Variants in VWA7 observed in about 807,000 individuals in gnomAD.
VWA7 encodes von Willebrand factor A domain-containing protein 7.
A neutral mutation model predicts 83.1 loss-of-function variants in VWA7; 66 were observed. That is an observed-to-expected ratio of 0.79 (90% CI 0.65 to 0.98). The LOEUF (loss-of-function observed/expected upper bound fraction) is 0.98. Ranked by LOEUF, VWA7 falls within the 50% of genes least tolerant of loss-of-function variation. The pLI is 0.00. For synonymous variants in VWA7, 424 were observed against 488.5 expected (o/e 0.87, Z 1.74); for missense variants, 1,080 against 1,160.2 (o/e 0.93, Z 1.00).
rs1332089547 is a variant in VWA7 at position 31,775,597 on chromosome 6, T to C, written c.514-168A>G. Among the ~76,000 whole-genome samples, 3 of 146,840 alleles carry C rather than the reference T, an allele frequency of 2.0e-5. No homozygotes were observed. The highest frequency in any genetic ancestry group is 4.5e-5 in the Non-Finnish European group (3 of 67,046). ...CCCTCCACTGCCCTCTCTCCATTGC[T>C]CAGAGCAGAGCTTTGCCCAGGTGGA... On this transcript the variant is annotated intron_variant, in intron 3 of 16. Transcript: ENST00000375688. This position sits in a 1 kb window ranked among gnomAD's most constrained non-coding sequence, Gnocchi z 5.9.
In VWA7 at chr6:31,766,393, A is replaced by C. The variant is rs567457447; in HGVS notation, c.2185-9T>G. 6.3e-7 allele frequency: 1 copy of C among 1,591,990 alleles called. No homozygotes were observed. The highest frequency in any genetic ancestry group is 1.8e-5 in the Admixed American group (1 of 55,100). On this transcript the variant is annotated splice_polypyrimidine_tract_variant and intron_variant, in intron 14 of 16. Transcript: ENST00000375688. The surrounding 1 kb of genome is among the most constrained non-coding windows in gnomAD (Gnocchi z 4.9). Reference sequence around the variant, plus strand: ...CCCGAGGGGCCACTAAGCTGCAGAGAAGGGTTCTTCAGGGAAGGGGCCGCT... The same window carrying C: ...CCCGAGGGGCCACTAAGCTGCAGAGCAGGGTTCTTCAGGGAAGGGGCCGCT...
chr6:31,770,571 C>CAA (rs9281576), intron 7 of VWA7, among the ~76,000 whole-genome samples: 36 of 82,260 alleles, frequency 4.4e-4, no homozygotes, highest in East Asian at 3.4e-3. Flanking sequence ...GACTCCATCT[C>CAA]AAAAAAAAAA....
At chr6:31,767,063 A>G (rs528508785) in intron 13 of VWA7, 95 bp downstream of exon 13, 6 of 355,128 alleles carry the variant, frequency 1.7e-5, no homozygotes, top group African/African-American at 8.6e-5. Context: ...ACATATATAC[A>G]TTATATATAT....
Position 31,769,910 on chromosome 6 carries a change from C to T in VWA7, c.1200+91G>A. The T allele has an allele frequency of 6.7e-7, 1 of 1,486,136 alleles. No homozygotes were observed. Among genetic ancestry groups the T allele is most frequent in the South Asian group, 1.1e-5 (1 of 87,286 alleles). The allele number at this position is 1,486,136 out of a possible 1,614,324, so 92.1% of individuals were successfully genotyped here. A position where few individuals can be genotyped will look rare whatever the true frequency, so the allele number is the denominator to read the frequency against. ...GAACCCTACAGTGAAGCTAGTGGAT[C>T]TAGGTGCTGAAGGTGGTGGGGAGCC... is the stretch of plus-strand genomic sequence containing the variant. On this transcript the variant is annotated intron_variant, in intron 8 of 16. Coordinates refer to ENST00000375688, the MANE Select transcript of VWA7 (RefSeq NM_025258.3). This position sits in a 1 kb window ranked among gnomAD's most constrained non-coding sequence, Gnocchi z 4.5.
Position 31,769,752 on chromosome 6 carries a change from C to CA in VWA7, c.1239dup (p.Val414CysfsTer33). 6.2e-7 allele frequency: 1 copy of CA among 1,613,090 alleles called. No individual in the cohort carries two copies. The highest frequency in any genetic ancestry group is 8.5e-7 in the Non-Finnish European group (1 of 1,180,040). ...TCCTTGGGGGAGGCATCCGTGAAGA[C>CA]AAAGATATCTGAGAGTGGAGGTGTG... is the stretch of plus-strand genomic sequence containing the variant. On this transcript the variant is annotated frameshift_variant, in exon 9 of 17. Coordinates refer to ENST00000375688, the MANE Select transcript of VWA7 (RefSeq NM_025258.3). LOFTEE classifies it high-confidence loss of function. This position sits in a 1 kb window ranked among gnomAD's most constrained non-coding sequence, Gnocchi z 4.5.
intron 7 of VWA7, 25 bp downstream of exon 7, chr6:31,772,929 A>G (rs1402541528): frequency 6.3e-7 from 1 of 1,599,174 alleles, no homozygotes; most frequent in Non-Finnish European, 8.5e-7. Flanking sequence ...CCTCCCCTCT[A>G]CTGTCCTAGC....
intron 13 of VWA7, 27 bp downstream of exon 13, chr6:31,767,131 G>A: frequency 1.1e-6 from 1 of 928,974 alleles, no homozygotes; most frequent in Non-Finnish European, 1.6e-6. Context: ...GGGGTTAGGT[G>A]GGTGGGGGCT....
Position 31,775,573 on chromosome 6 carries a change from C to T in VWA7, c.514-144G>A. The T allele has an allele frequency of 1.5e-6, 1 of 676,898 alleles. No homozygotes were observed. The highest frequency in any genetic ancestry group is 2.7e-5 in the East Asian group (1 of 36,460). The allele number at this position is 676,898 out of a possible 1,614,324, so 41.9% of individuals were successfully genotyped here. On this transcript the variant is annotated intron_variant, in intron 3 of 16. Transcript: ENST00000375688. This position sits in a 1 kb window ranked among gnomAD's most constrained non-coding sequence, Gnocchi z 5.9. Reference sequence around the variant, plus strand: ...TGCTCCCACCAGACACCCCAAGTCCCCTCCACTGCCCTCTCTCCATTGCTC... The same window carrying T: ...TGCTCCCACCAGACACCCCAAGTCCTCTCCACTGCCCTCTCTCCATTGCTC...
At position 31,766,051 on chromosome 6, in the gene VWA7, G is replaced by A; in HGVS notation, c.2331C>T (p.His777=). The A allele has an allele frequency of 6.2e-7, 1 of 1,613,018 alleles. No homozygotes were observed. The highest frequency in any genetic ancestry group is 1.1e-5 in the South Asian group (1 of 91,088). The change falls in exon 16 of 17, where the codon CAC becomes CAT. Residue 777 remains histidine (H), a synonymous_variant. Coordinates refer to ENST00000375688, the MANE Select transcript of VWA7 (RefSeq NM_025258.3). The surrounding 1 kb of genome is among the most constrained non-coding windows in gnomAD (Gnocchi z 4.9). ...CCCAGGCCGACTCATTCAGTTCCAG[G>A]TGAGCCCTGGAGAGAGGATATAGGC... ...FSLTSNLSRA[H]LELNESAWGR...
Position 31,767,723 on chromosome 6 carries a change from A to G in VWA7, c.1535T>C (p.Val512Ala), listed in dbSNP as rs1329492603. ...GCTGAACACAAGTGGCTGCCCAGGCACCACAACAGGAGGGTCCAGGGGAAG... is the reference window on the plus strand; with the variant it reads ...GCTGAACACAAGTGGCTGCCCAGGCGCCACAACAGGAGGGTCCAGGGGAAG... ...VTLPLDPPVVVPGQPLVFSVD... is the reference protein window; with the variant it reads ...VTLPLDPPVVAPGQPLVFSVD... Residue 512 changes from valine (V) to alanine (A), a missense_variant, in exon 11 of 17, where the codon GTG becomes GCG. By Grantham distance (64) the Val-to-Ala change is moderately conservative. Coordinates refer to ENST00000375688, the MANE Select transcript of VWA7 (RefSeq NM_025258.3). The G allele has an allele frequency of 6.2e-7, 1 of 1,612,634 alleles. No individual in the cohort carries two copies. Among genetic ancestry groups the G allele is most frequent in the Admixed American group, 1.7e-5 (1 of 59,998 alleles).
chr6:31,765,848 T>G, intron 16 of VWA7, 35 bp downstream of exon 16: 1 of 1,610,456 alleles, frequency 6.2e-7, no homozygotes, highest in South Asian at 1.1e-5. Flanking sequence ...TCCCCGGCCT[T>G]GCCCACCCTG....
At position 31,767,724 on chromosome 6, in the gene VWA7, C is replaced by T. The variant is rs1301623586; in HGVS notation, c.1534G>A (p.Val512Met). 8.7e-6 allele frequency: 14 copies of T among 1,612,450 alleles called. No individual in the cohort carries two copies. Among genetic ancestry groups the T allele is most frequent in the Non-Finnish European group, 1.1e-5 (13 of 1,178,748 alleles). ...VTLPLDPPVV[V>M]PGQPLVFSVD... ...CTGAACACAAGTGGCTGCCCAGGCA[C>T]CACAACAGGAGGGTCCAGGGGAAGA... The change falls in exon 11 of 17, where the codon GTG (valine) becomes ATG (methionine). Residue 512 changes from valine (V) to methionine (M), a missense_variant. Val to Met is a conservative substitution (Grantham distance 21, BLOSUM62 1). Transcript: ENST00000375688.
In VWA7 at chr6:31,766,173, CA is replaced by C; in HGVS notation, c.2324+71del. The stretch of plus-strand genomic sequence containing the variant: ...ATTCTGAGGGCCAGTCGGAGGGGGA[CA>C]GGGGCAGGGCTTGGGATAAGCATTG... On this transcript the variant is annotated intron_variant, in intron 15 of 16. Coordinates refer to ENST00000375688, the MANE Select transcript of VWA7 (RefSeq NM_025258.3). This position sits in a 1 kb window ranked among gnomAD's most constrained non-coding sequence, Gnocchi z 4.9. 2.5e-6 allele frequency: 4 copies of C among 1,596,062 alleles called. No individual in the cohort carries two copies. Among genetic ancestry groups the C allele is most frequent in the Non-Finnish European group, 2.6e-6 (3 of 1,170,146 alleles).
At chr6:31,768,986 G>T (rs1811900916) in intron 10 of VWA7, 32 bp downstream of exon 10, 4 of 1,586,258 alleles carry the variant, frequency 2.5e-6, no homozygotes, top group Non-Finnish European at 3.4e-6. Context: ...CCACCCTTCA[G>T]TTCCTAAGTG....
rs778034497 is a variant in VWA7 at position 31,769,909 on chromosome 6, T to G, written c.1200+92A>C. ...GGAACCCTACAGTGAAGCTAGTGGATCTAGGTGCTGAAGGTGGTGGGGAGC... is the reference window on the plus strand; with the variant it reads ...GGAACCCTACAGTGAAGCTAGTGGAGCTAGGTGCTGAAGGTGGTGGGGAGC... On this transcript the variant is annotated intron_variant, in intron 8 of 16. Transcript: ENST00000375688. The surrounding 1 kb of genome is among the most constrained non-coding windows in gnomAD (Gnocchi z 4.5). 5 of 1,485,698 alleles carry G rather than the reference T, an allele frequency of 3.4e-6. No homozygotes were observed. The highest frequency in any genetic ancestry group is 4.7e-6 in the Non-Finnish European group (5 of 1,067,806). 92.0% of individuals were successfully genotyped at this position (1,485,698 alleles called of 1,614,324 possible). A position where few individuals can be genotyped will look rare whatever the true frequency, so the allele number is the denominator to read the frequency against.
Sources: gnomAD v4.1 joint callset for allele counts (sites outside exome capture counted in the v4.1 genomes callset) on GRCh38, gnomAD v4.1.1 for gene constraint, Gnocchi (gnomAD v3.1) non-coding constraint, MANE v1.5 for transcripts, NCBI Gene and HGNC (gene_info 2026-07-23, HGNC 2026-07-21) for gene names.